Variants in NFATC2 observed in about 807,000 individuals in gnomAD.
NFATC2 encodes nuclear factor of activated T cells 2.
NFATC2 carries 22 observed loss-of-function variants against 87.3 expected under a neutral mutation model. That is an observed-to-expected ratio of 0.25 (90% CI 0.18 to 0.36). NFATC2 has a LOEUF of 0.36. NFATC2 is among the 10% of genes least tolerant of loss of function. The probability of loss-of-function intolerance (pLI) is 1.00; values close to 1 mark genes in which losing one functional copy is unlikely to be tolerated. For missense variants in NFATC2, 1,149 were observed against 1,259.1 expected, an observed-to-expected ratio of 0.91 and a Z score of 1.32; for synonymous variants, 565 against 542.2, an observed-to-expected ratio of 1.04 and a Z score of -0.58.
At chr20:51,482,867 A>G (rs1004590015) in intron 3 of NFATC2, among the ~76,000 whole-genome samples, 7 of 152,344 alleles carry the variant, frequency 4.6e-5, no homozygotes, top group African/African-American at 1.7e-4. Context: ...TAAGATGGTC[A>G]TGTCCTCTTG....
chr20:51,465,409 T>C (rs568756063), intron 5 of NFATC2, among the ~76,000 whole-genome samples: 3 of 152,180 alleles, frequency 2.0e-5, no homozygotes, highest in African/African-American at 4.8e-5. Context: ...AATCACATCA[T>C]GTCAACCTCC....
chr20:51,403,398 C>T (rs113100981), intron 9 of NFATC2, among the ~76,000 whole-genome samples: 1 of 152,308 alleles, frequency 6.6e-6, no homozygotes, highest in African/African-American at 2.4e-5. Context: ...TCATGGGTGA[C>T]ACTGCACCAG....
chr20:51,442,481 T>C (rs1984481170), intron 6 of NFATC2, among the ~76,000 whole-genome samples: 1 of 151,988 alleles, frequency 6.6e-6, no homozygotes, highest in South Asian at 2.1e-4. Context: ...TTTAAAAAAA[T>C]GCTGCAGACC....
intron 1 of NFATC2, among the ~76,000 whole-genome samples, chr20:51,555,163 T>G (rs2076966827): frequency 6.6e-6 from 1 of 152,200 alleles, no homozygotes; most frequent in Non-Finnish European, 1.5e-5. Flanking sequence ...CATTCACTCT[T>G]ACCTGGCTAG....
intron 6 of NFATC2, among the ~76,000 whole-genome samples, chr20:51,443,921 TA>T (rs111389170): frequency 3.2e-4 from 45 of 142,680 alleles, no homozygotes; most frequent in Admixed American, 6.3e-4. Context: ...CTCTGCAAGT[TA>T]AAAAAAAAAA....
chr20:51,516,731 A>C (rs2076356704), intron 3 of NFATC2, 53 bp downstream of exon 3: 1 of 1,534,656 alleles, frequency 6.5e-7, no homozygotes, highest in African/African-American at 1.4e-5. Flanking sequence ...AGCAGAAGTG[A>C]ATCTCTTAGT....
chr20:51,463,728 G>C (rs145831111), intron 5 of NFATC2, among the ~76,000 whole-genome samples: 99 of 152,302 alleles, frequency 6.5e-4, no homozygotes, highest in African/African-American at 2.3e-3. Flanking sequence ...CACCCTGCAA[G>C]GGTGCTTTTC....
intron 3 of NFATC2, among the ~76,000 whole-genome samples, chr20:51,479,097 A>G (rs1989004415): frequency 6.6e-6 from 1 of 151,794 alleles, no homozygotes; most frequent in South Asian, 2.1e-4. Flanking sequence ...AAATTGACAA[A>G]TGCTATAGAT....
chr20:51,561,426 G>GAGAGA, intron 1 of NFATC2, among the ~76,000 whole-genome samples: 1 of 120,508 alleles, frequency 8.3e-6, no homozygotes, highest in African/African-American at 3.4e-5. Flanking sequence ...GAAAGAGAGA[G>GAGAGA]AAAGAAAAGA....
Position 51,523,910 on chromosome 20 carries a change from G to T in NFATC2, c.331C>A (p.Pro111Thr), listed in dbSNP as rs1357199361. Residue 111 changes from proline (P) to threonine (T), a missense_variant, in exon 2 of 11, where the codon CCT becomes ACT. Physicochemically the swap from Pro to Thr is conservative, Grantham distance 38. Transcript: ENST00000371564. The surrounding 1 kb of genome is among the most constrained non-coding windows in gnomAD (Gnocchi z 6.9). ...TGGGACGGAGTGATCTCGATCCGAG[G>T]GCTCAGGCCCGAGGCCCCTGCTGGC... ...AKPAGASGLS[P>T]RIEITPSHEL... The T allele has an allele frequency of 6.2e-7, 1 of 1,605,186 alleles. No homozygotes were observed. The highest frequency in any genetic ancestry group is 8.5e-7 in the Non-Finnish European group (1 of 1,177,458).
At chr20:51,507,913 G>T (rs902307541) in intron 3 of NFATC2, among the ~76,000 whole-genome samples, 1 of 152,158 alleles carries the variant, frequency 6.6e-6, no homozygotes, top group South Asian at 2.1e-4. Flanking sequence ...AGACTAACTA[G>T]GTCACTCTAA....
intron 9 of NFATC2, among the ~76,000 whole-genome samples, chr20:51,427,192 G>A (rs1340669467): frequency 6.6e-6 from 1 of 152,124 alleles, no homozygotes; most frequent in South Asian, 2.1e-4. Flanking sequence ...CAAAACCTGT[G>A]GTGGGTTTGG....
intron 5 of NFATC2, among the ~76,000 whole-genome samples, chr20:51,463,979 T>G (rs1987411022): frequency 6.8e-6 from 1 of 146,558 alleles, no homozygotes; most frequent in Admixed American, 6.8e-5. Context: ...TCCTGGGCTC[T>G]CCAAAAAAAA....
chr20:51,430,025 C>T (rs866830749), intron 9 of NFATC2, among the ~76,000 whole-genome samples: 1 of 152,108 alleles, frequency 6.6e-6, no homozygotes, highest in South Asian at 2.1e-4. Context: ...TCTTTGGAAA[C>T]GGCAAGGACA....
chr20:51,425,529 G>A (rs1255862088), intron 9 of NFATC2, among the ~76,000 whole-genome samples: 1 of 152,248 alleles, frequency 6.6e-6, no homozygotes. Context: ...AGGAGGCCCA[G>A]CCCTGCCGGG....
Position 51,523,971 on chromosome 20 carries a change from A to G in NFATC2, c.270T>C (p.Asp90=), listed in dbSNP as rs762817666. ...TCAGAAACTTCTGCGGCCCTACCCT[A>G]TCCGGCTCTCCGAATCGGCCGGGGG... ...GEPPGRFGEP[D]RVGPQKFLSA... The change falls in exon 2 of 11, where the codon GAT becomes GAC. Residue 90 remains aspartate, a synonymous_variant. Transcript: ENST00000371564. This position sits in a 1 kb window ranked among gnomAD's most constrained non-coding sequence, Gnocchi z 6.9. The G allele has an allele frequency of 3.2e-6, 5 of 1,580,240 alleles. No homozygotes were observed. The highest frequency in any genetic ancestry group is 3.4e-6 in the Non-Finnish European group (4 of 1,169,452).
chr20:51,443,210 C>T (rs757620866), intron 6 of NFATC2, among the ~76,000 whole-genome samples: 21 of 152,290 alleles, frequency 1.4e-4, no homozygotes, highest in Middle Eastern at 3.4e-3. Flanking sequence ...CTTTCTACTC[C>T]TCCCTTCCAG....
In NFATC2 at chr20:51,524,103, C is replaced by A. The variant is rs781756598; in HGVS notation, c.138G>T (p.Pro46=). 1.4e-6 allele frequency: 2 copies of A among 1,457,344 alleles called. No individual in the cohort carries two copies. The allele number at this position is 1,457,344 out of a possible 1,614,324, so 90.3% of individuals were successfully genotyped here. A position where few individuals can be genotyped will look rare whatever the true frequency, so the allele number is the denominator to read the frequency against. ...YEYLNPNEEE[P]NAHKVASPPS... ...GTGGGCTGGCGACCTTATGTGCATT[C>A]GGCTCTTCTGGAAAGAGAAGGGGGA... The change falls in exon 2 of 11, where the codon CCG becomes CCT. Residue 46 remains proline (P), a synonymous_variant. Transcript: ENST00000371564. This position sits in a 1 kb window ranked among gnomAD's most constrained non-coding sequence, Gnocchi z 4.0.
chr20:51,413,746 G>A (rs1350191300), intron 9 of NFATC2, among the ~76,000 whole-genome samples: 1 of 152,142 alleles, frequency 6.6e-6, no homozygotes, highest in Non-Finnish European at 1.5e-5. Flanking sequence ...GACAGAGCAA[G>A]ACCCTGTCCC....
Sources: allele counts gnomAD v4.1 joint callset (sites outside exome capture counted in the v4.1 genomes callset), GRCh38; gene constraint gnomAD v4.1.1; non-coding constraint Gnocchi (gnomAD v3.1); transcripts MANE v1.5; gene names NCBI Gene and HGNC (gene_info 2026-07-23, HGNC 2026-07-21).